The following COP1 variants were observed in gnomAD, a reference collection of about 807,000 sequenced individuals.
COP1 encodes the protein E3 ubiquitin-protein ligase COP1.
A neutral mutation model predicts 101.3 loss-of-function variants in COP1; 24 were observed. That is an observed-to-expected ratio of 0.24 (90% CI 0.17 to 0.33). The LOEUF (loss-of-function observed/expected upper bound fraction) is 0.33, where lower values mean the gene tolerates loss of function less well. COP1 is among the 10% of genes least tolerant of loss of function. The probability of loss-of-function intolerance (pLI) is 1.00; values close to 1 mark genes in which losing one functional copy is unlikely to be tolerated. For synonymous variants in COP1, 347 were observed against 341.9 expected (o/e 1.01, Z -0.17); for missense variants, 663 against 906.2 (o/e 0.73, Z 3.45).
intron 14 of COP1, among the ~76,000 whole-genome samples, chr1:176,029,462 A>T (rs1196475448): frequency 2.0e-5 from 3 of 152,222 alleles, no homozygotes; most frequent in African/African-American, 7.2e-5. Context: ...GTAAGACAGG[A>T]TACACCCATA....
intron 6 of COP1, among the ~76,000 whole-genome samples, chr1:176,143,146 A>G (rs72715118): frequency 0.03 from 1,976 of 66,478 alleles, 53 homozygotes; most frequent in African/African-American, 0.087. Flanking sequence ...GAGCGAGAGA[A>G]AGAGAGAGAG....
chr1:176,068,925 A>C lies in COP1; in HGVS notation c.1277+12227T>G, dbSNP rs1676488746. Among the ~76,000 whole-genome samples the C allele has an allele frequency of 3.3e-5, 5 of 152,194 alleles. No homozygotes were observed. The South Asian group carries it at 1.0e-3, about 31-fold the overall frequency. ...CACAAACTTCTGCAAGGAATTACAA[A>C]ACTGTAATCCCCATACTTTGGGAGG... On this transcript the variant is annotated intron_variant, in intron 11 of 19. Transcript: ENST00000367669.
chr1:176,171,252 A>G (rs917296651), intron 3 of COP1, among the ~76,000 whole-genome samples: 2 of 152,012 alleles, frequency 1.3e-5, no homozygotes, highest in Admixed American at 6.6e-5. Context: ...CTTCTACATC[A>G]GCACTTGCTG....
chr1:176,035,709 C>CCAAAAAAAAAAAAAAAAAAAAACAAAAA (rs1669386408), intron 14 of COP1, among the ~76,000 whole-genome samples: 1 of 27,658 alleles, frequency 3.6e-5, no homozygotes, highest in Non-Finnish European at 9.1e-5. Context: ...TAAAACGAGA[C>CCAAAAAAAAAAAAAAAAAAAAACAAAAA]CAAAAAAAAA....
intron 14 of COP1, among the ~76,000 whole-genome samples, chr1:176,031,097 G>A (rs1668574959): frequency 6.6e-6 from 1 of 152,190 alleles, no homozygotes; most frequent in Admixed American, 6.5e-5. Flanking sequence ...AGCCTTCACA[G>A]AGAGTGTGGC....
chr1:176,065,444 T>A (rs1244844675), intron 11 of COP1, among the ~76,000 whole-genome samples: 1 of 152,208 alleles, frequency 6.6e-6, no homozygotes, highest in Non-Finnish European at 1.5e-5. Context: ...AATATTTATG[T>A]TATAAAACAC....
At chr1:175,960,552 G>A (rs1018150717) in intron 18 of COP1, among the ~76,000 whole-genome samples, 30 of 152,104 alleles carry the variant, frequency 2.0e-4, no homozygotes, top group African/African-American at 6.5e-4. Flanking sequence ...GCTAAAAGAA[G>A]AGTTTAAGAA....
At chr1:176,046,379 C>G in intron 11 of COP1, 55 bp from the exon 12 acceptor site, 1 of 1,539,022 alleles carries the variant, frequency 6.5e-7, no homozygotes, top group Non-Finnish European at 8.9e-7. Flanking sequence ...TTTTCTATTT[C>G]TAAAGTAATT....
intron 6 of COP1, among the ~76,000 whole-genome samples, chr1:176,137,935 G>C (rs1690065423): frequency 6.6e-6 from 1 of 152,106 alleles, no homozygotes; most frequent in Non-Finnish European, 1.5e-5. Context: ...GTCTAGGGGA[G>C]ATGGCAAATA....
chr1:176,103,398 C>T (rs1388766307), intron 9 of COP1, among the ~76,000 whole-genome samples: 1 of 152,170 alleles, frequency 6.6e-6, no homozygotes, highest in Non-Finnish European at 1.5e-5. Flanking sequence ...AGCTCCTAAA[C>T]AATAAGATTG....
chr1:175,971,972 C>A (rs958338581), intron 18 of COP1, among the ~76,000 whole-genome samples: 2 of 152,096 alleles, frequency 1.3e-5, no homozygotes, highest in Admixed American at 1.3e-4. Flanking sequence ...AATAGGTTTG[C>A]GGCAGCGACT....
At chr1:176,134,505 C>T (rs926556225) in intron 8 of COP1, among the ~76,000 whole-genome samples, 2 of 151,794 alleles carry the variant, frequency 1.3e-5, no homozygotes, top group Non-Finnish European at 2.9e-5. Context: ...ATACTAATAT[C>T]GCATATAGAA....
At chr1:176,187,325 CAT>C (rs1393771895) in intron 1 of COP1, among the ~76,000 whole-genome samples, 1 of 152,070 alleles carries the variant, frequency 6.6e-6, no homozygotes, top group Non-Finnish European at 1.5e-5. Context: ...TATACACACA[CAT>C]ATACACATAT....
intron 11 of COP1, among the ~76,000 whole-genome samples, chr1:176,062,744 C>T (rs1675089306): frequency 1.4e-5 from 2 of 140,864 alleles, no homozygotes; most frequent in Non-Finnish European, 3.0e-5. Flanking sequence ...CAAGTTTATT[C>T]AAATAAATAA....
At chr1:176,086,901 CCAAA>C (rs1680287372) in intron 9 of COP1, among the ~76,000 whole-genome samples, 1 of 152,050 alleles carries the variant, frequency 6.6e-6, no homozygotes, top group Non-Finnish European at 1.5e-5. Context: ...GTACTGGTAC[CCAAA>C]CAGAGATACA....
intron 11 of COP1, among the ~76,000 whole-genome samples, chr1:176,060,183 T>C (rs564442969): frequency 6.6e-6 from 1 of 152,356 alleles, no homozygotes; most frequent in South Asian, 2.1e-4. Context: ...TTAAAAAAAT[T>C]TACTTTCTTA....
intron 2 of COP1, among the ~76,000 whole-genome samples, chr1:176,184,009 G>T (rs934385414): frequency 3.3e-5 from 5 of 151,790 alleles, no homozygotes; most frequent in Non-Finnish European, 5.9e-5. Context: ...GAGATCAATT[G>T]TACAATAATA....
At chr1:175,981,035 AAT>A (rs998500442) in intron 18 of COP1, among the ~76,000 whole-genome samples, 3 of 152,130 alleles carry the variant, frequency 2.0e-5, no homozygotes, top group African/African-American at 7.2e-5. Flanking sequence ...ACAGATACAG[AAT>A]ATATATACGT....
intron 3 of COP1, among the ~76,000 whole-genome samples, chr1:176,174,800 T>C (rs1361990090): frequency 6.6e-6 from 1 of 152,170 alleles, no homozygotes; most frequent in East Asian, 1.9e-4. Flanking sequence ...AATTGACCTT[T>C]TTGATATATA....
Sources: allele counts gnomAD v4.1 joint callset (sites outside exome capture counted in the v4.1 genomes callset), GRCh38; gene constraint gnomAD v4.1.1; transcripts MANE v1.5; gene names NCBI Gene and HGNC (gene_info 2026-07-23, HGNC 2026-07-21).